DSCAM: variants seen among roughly 807,000 people sequenced by gnomAD.
DSCAM encodes DS cell adhesion molecule.
DSCAM carries 47 observed loss-of-function variants against 217.7 expected under a neutral mutation model. The observed-to-expected ratio is 0.22, with a 90% CI of 0.17 to 0.28. The LOEUF is 0.28. Among genes scored for constraint, DSCAM ranks in the 10% least tolerant of loss-of-function variants. The pLI is 1.00. For synonymous variants in DSCAM, 1,056 were observed against 1,015.3 expected (o/e 1.04, Z -0.76); for missense variants, 2,080 against 2,618.3 (o/e 0.79, Z 4.49).
chr21:40,450,208 G>A (rs745931662), intron 3 of DSCAM, among the ~76,000 whole-genome samples: 1 of 152,066 alleles, frequency 6.6e-6, no homozygotes, highest in Non-Finnish European at 1.5e-5. Flanking sequence ...ACCAAACAAC[G>A]TAACATAAAA....
At chr21:40,180,862 G>A (rs1237978698) in intron 14 of DSCAM, among the ~76,000 whole-genome samples, 1 of 152,006 alleles carries the variant, frequency 6.6e-6, no homozygotes, top group Non-Finnish European at 1.5e-5. Flanking sequence ...GACCTGGGTA[G>A]GGTGGGGACA....
chr21:40,308,111 A>G (rs1416250524), intron 9 of DSCAM, among the ~76,000 whole-genome samples: 24 of 152,292 alleles, frequency 1.6e-4, no homozygotes, highest in Admixed American at 1.5e-3. Context: ...AAACACAACA[A>G]CAACAACAAA....
At chr21:40,391,014 T>A (rs1332463332) in intron 3 of DSCAM, among the ~76,000 whole-genome samples, 1 of 152,182 alleles carries the variant, frequency 6.6e-6, no homozygotes, top group African/African-American at 2.4e-5. Flanking sequence ...TCTTTGCAAG[T>A]GTAGGGAGTG....
intron 3 of DSCAM, among the ~76,000 whole-genome samples, chr21:40,377,829 T>A (rs1434468721): frequency 1.3e-5 from 2 of 152,210 alleles, no homozygotes; most frequent in Middle Eastern, 3.4e-3. Flanking sequence ...TTCTAAAGGA[T>A]GCTGCAAAGG....
At chr21:40,544,404 T>C (rs561365202) in intron 3 of DSCAM, among the ~76,000 whole-genome samples, 3 of 152,328 alleles carry the variant, frequency 2.0e-5, no homozygotes, top group South Asian at 4.1e-4. Flanking sequence ...TTTGCAGATG[T>C]AATTAGTTAA....
At chr21:40,512,914 T>A (rs550477312) in intron 3 of DSCAM, among the ~76,000 whole-genome samples, 6 of 152,192 alleles carry the variant, frequency 3.9e-5, no homozygotes, top group Admixed American at 2.0e-4. Flanking sequence ...TTATTTATTT[T>A]TTGAGACAGA....
intron 3 of DSCAM, among the ~76,000 whole-genome samples, chr21:40,669,573 C>A (rs905314294): frequency 2.2e-5 from 3 of 138,260 alleles, no homozygotes; most frequent in African/African-American, 8.1e-5. Context: ...TCTATTTTCC[C>A]AAATGTTGTT....
At chr21:40,480,881 C>A (rs892359035) in intron 3 of DSCAM, among the ~76,000 whole-genome samples, 1 of 152,156 alleles carries the variant, frequency 6.6e-6, no homozygotes, top group African/African-American at 2.4e-5. Flanking sequence ...CTGATGCAAT[C>A]AGAAAACATT....
rs149272186 is a variant in DSCAM, at chr21:40,183,457, G to A, written c.2779+3674C>T. 3.6e-3 allele frequency among the ~76,000 whole-genome samples: 542 copies of A among 152,294 alleles called. 3 individuals carry two copies. Among genetic ancestry groups the A allele is most frequent in the Admixed American group, 5.6e-3 (86 of 15,308 alleles). ...GATGACGCCTCTGGTGCTGCCACTG[G>A]GCATGACCAGAGTTAGGGGGGCAGG... is the stretch of plus-strand genomic sequence containing the variant. On this transcript the variant is annotated intron_variant, in intron 14 of 32. Coordinates refer to ENST00000400454, the MANE Select transcript of DSCAM (RefSeq NM_001389.5).
intron 6 of DSCAM, among the ~76,000 whole-genome samples, chr21:40,342,741 A>C (rs2074512090): frequency 2.7e-5 from 3 of 112,468 alleles, no homozygotes; most frequent in Non-Finnish European, 5.2e-5. Flanking sequence ...GGTGCACACC[A>C]CGCCTTTTTT....
intron 11 of DSCAM, among the ~76,000 whole-genome samples, chr21:40,209,481 C>T (rs982158389): frequency 6.6e-6 from 1 of 152,158 alleles, no homozygotes; most frequent in Non-Finnish European, 1.5e-5. Context: ...TCGATTATTT[C>T]TTATAAAGCC....
At chr21:40,619,574 T>C (rs1362568383) in intron 3 of DSCAM, among the ~76,000 whole-genome samples, 1 of 152,196 alleles carries the variant, frequency 6.6e-6, no homozygotes, top group East Asian at 1.9e-4. Context: ...ATGGGTCCCT[T>C]TACATTATTC....
At chr21:40,221,663 A>C (rs1388765686) in intron 11 of DSCAM, among the ~76,000 whole-genome samples, 1 of 152,150 alleles carries the variant, frequency 6.6e-6, no homozygotes, top group Admixed American at 6.6e-5. Context: ...ACAGTACAAA[A>C]GCAACAGTGG....
intron 26 of DSCAM, among the ~76,000 whole-genome samples, chr21:40,075,447 G>A (rs2089352780): frequency 6.6e-6 from 1 of 152,118 alleles, no homozygotes. Context: ...ACTTCATTTT[G>A]CAATGCACTA....
At chr21:40,293,109 T>G (rs763036901) in intron 10 of DSCAM, among the ~76,000 whole-genome samples, 4 of 152,114 alleles carry the variant, frequency 2.6e-5, no homozygotes, top group Non-Finnish European at 5.9e-5. Flanking sequence ...GTTGGAGATA[T>G]CCAGTTGCCA....
intron 11 of DSCAM, among the ~76,000 whole-genome samples, chr21:40,232,508 C>T (rs983037079): frequency 2.6e-5 from 4 of 152,164 alleles, no homozygotes; most frequent in Admixed American, 6.5e-5. Context: ...TAAGAAACCT[C>T]AGTCCACTAG....
chr21:40,720,643 C>T (rs2090891312), intron 1 of DSCAM, among the ~76,000 whole-genome samples: 1 of 151,356 alleles, frequency 6.6e-6, no homozygotes, highest in South Asian at 2.1e-4. Flanking sequence ...TGGATTTACT[C>T]TATGTCTTCA....
At chr21:40,651,330 C>T (rs2090011027) in intron 3 of DSCAM, among the ~76,000 whole-genome samples, 1 of 152,182 alleles carries the variant, frequency 6.6e-6, no homozygotes, top group South Asian at 2.1e-4. Flanking sequence ...CCACTAATAG[C>T]AGCAAAAGTG....
At chr21:40,133,222 C>T (rs1327378663) in intron 19 of DSCAM, among the ~76,000 whole-genome samples, 1 of 152,182 alleles carries the variant, frequency 6.6e-6, no homozygotes, top group Non-Finnish European at 1.5e-5. Context: ...TAATACAGAA[C>T]CTTTGTTGTA....
Sources: gnomAD v4.1 joint callset for allele counts (sites outside exome capture counted in the v4.1 genomes callset) on GRCh38, gnomAD v4.1.1 for gene constraint, MANE v1.5 for transcripts, NCBI Gene and HGNC (gene_info 2026-07-23, HGNC 2026-07-21) for gene names.